The following CCDC7 variants were observed in gnomAD, a reference collection of about 807,000 sequenced individuals.
CCDC7 encodes the protein coiled-coil domain containing 7.
CCDC7 carries 183 observed loss-of-function variants against 196.9 expected under a neutral mutation model. That is an observed-to-expected ratio of 0.93 (90% CI 0.82 to 1.05). CCDC7 has a LOEUF of 1.05. CCDC7 is among the 50% of genes least tolerant of loss of function. The pLI is 0.00. For synonymous variants in CCDC7, 525 were observed against 484.6 expected (o/e 1.08, Z -1.10); for missense variants, 1,540 against 1,482.2 (o/e 1.04, Z -0.64).
chr10:32,561,866 G>A (rs756786825), intron 13 of CCDC7, among the ~76,000 whole-genome samples: 1 of 152,072 alleles, frequency 6.6e-6, no homozygotes, highest in African/African-American at 2.4e-5. Flanking sequence ...CCAGGAGCTG[G>A]TTTTTTGAAA....
At chr10:32,630,842 C>A (rs1284356871) in intron 18 of CCDC7, among the ~76,000 whole-genome samples, 1 of 152,090 alleles carries the variant, frequency 6.6e-6, no homozygotes, top group African/African-American at 2.4e-5. Context: ...GCCCCAAATT[C>A]TTTGAGTCTT....
intron 25 of CCDC7, among the ~76,000 whole-genome samples, chr10:32,715,694 GAGA>G (rs1051869944): frequency 1.3e-4 from 20 of 152,212 alleles, no homozygotes; most frequent in African/African-American, 4.8e-4. Flanking sequence ...AACCAGTTTA[GAGA>G]AGAACATAAA....
At chr10:32,465,569 C>T (rs2036604088) in intron 5 of CCDC7, among the ~76,000 whole-genome samples, 1 of 151,436 alleles carries the variant, frequency 6.6e-6, no homozygotes, top group African/African-American at 2.4e-5. Context: ...TGGCTGTCTT[C>T]TTTTTAGAGT....
chr10:32,532,851 G>A (rs2049889750), intron 11 of CCDC7, among the ~76,000 whole-genome samples: 1 of 152,006 alleles, frequency 6.6e-6, no homozygotes, highest in Admixed American at 6.6e-5. Flanking sequence ...CTTTCAGGCT[G>A]TGTGTGTCTT....
chr10:32,811,763 T>A (rs1450204195), intron 30 of CCDC7, among the ~76,000 whole-genome samples: 1 of 151,734 alleles, frequency 6.6e-6, no homozygotes, highest in Non-Finnish European at 1.5e-5. Flanking sequence ...GACAAGGACA[T>A]AAAAAAATAA....
Position 32,829,263 on chromosome 10 carries a change from G to A in CCDC7, c.3268+4659G>A, listed in dbSNP as rs114462984. 4.2e-3 allele frequency among the ~76,000 whole-genome samples: 640 copies of A among 152,176 alleles called. 4 individuals are homozygous for A. The highest frequency in any genetic ancestry group is 0.015 in the African/African-American group (620 of 41,522). On this transcript the variant is annotated intron_variant, in intron 32 of 41. Transcript: ENST00000639629. ...GAATGAAGGTTTGGGTCACTCCACCGGGAAAAAATTTCATAGCCTGCTGAG... is the reference window on the plus strand; with the variant it reads ...GAATGAAGGTTTGGGTCACTCCACCAGGAAAAAATTTCATAGCCTGCTGAG...
At chr10:32,789,001 AG>A (rs1157665173) in intron 29 of CCDC7, among the ~76,000 whole-genome samples, 2 of 151,964 alleles carry the variant, frequency 1.3e-5, no homozygotes, top group African/African-American at 4.8e-5. Flanking sequence ...TCCAGCCACT[AG>A]GCCAGCCTGC....
At chr10:32,458,045 G>A (rs1564623435) in intron 3 of CCDC7, among the ~76,000 whole-genome samples, 1 of 151,982 alleles carries the variant, frequency 6.6e-6, no homozygotes, top group Non-Finnish European at 1.5e-5. Flanking sequence ...AATACCACTT[G>A]TCTGTTTTTG....
intron 18 of CCDC7, among the ~76,000 whole-genome samples, chr10:32,597,067 G>A (rs991033665): frequency 1.3e-5 from 2 of 152,108 alleles, no homozygotes; most frequent in African/African-American, 4.8e-5. Context: ...TTTGAATGTT[G>A]GCCTGCCTCA....
At chr10:32,701,846 G>A (rs1167269899) in intron 24 of CCDC7, among the ~76,000 whole-genome samples, 1 of 152,134 alleles carries the variant, frequency 6.6e-6, no homozygotes, top group Non-Finnish European at 1.5e-5. Flanking sequence ...TTGTATTTCT[G>A]TGGGATCGGT....
chr10:32,612,310 A>G (rs868769073), intron 18 of CCDC7, among the ~76,000 whole-genome samples: 1 of 152,124 alleles, frequency 6.6e-6, no homozygotes, highest in Middle Eastern at 3.4e-3. Flanking sequence ...CACCTTAAGG[A>G]ATTTTTGGGC....
intron 8 of CCDC7, among the ~76,000 whole-genome samples, chr10:32,486,491 A>G (rs1039703659): frequency 3.4e-5 from 5 of 146,532 alleles, no homozygotes; most frequent in African/African-American, 1.3e-4. Context: ...CATTTAGCCC[A>G]TTTACATTTA....
At chr10:32,463,640 C>T (rs2036190466) in intron 5 of CCDC7, among the ~76,000 whole-genome samples, 1 of 152,128 alleles carries the variant, frequency 6.6e-6, no homozygotes, top group South Asian at 2.1e-4. Flanking sequence ...TTTTAGTTCT[C>T]ATTTGGTCAC....
intron 8 of CCDC7, among the ~76,000 whole-genome samples, chr10:32,485,833 C>A: frequency 6.6e-6 from 1 of 152,152 alleles, no homozygotes; most frequent in Non-Finnish European, 1.5e-5. Flanking sequence ...ATCCTGAGTT[C>A]TAGTTTGATT....
rs559477970 is a variant in CCDC7, at chr10:32,629,047, C to A, written c.1802-5207C>A. On this transcript the variant is annotated intron_variant, in intron 18 of 41. Coordinates refer to ENST00000639629, the Ensembl canonical transcript of CCDC7. Reference sequence around the variant, plus strand: ...AAAGTATAGTTCAAGTCCAGTGTTTCGTTATTAATGTTCCATCTGTATGAT... The same window carrying A: ...AAAGTATAGTTCAAGTCCAGTGTTTAGTTATTAATGTTCCATCTGTATGAT... Among the ~76,000 whole-genome samples the A allele has an allele frequency of 3.3e-5, 5 of 152,140 alleles. No individual in the cohort carries two copies. In the South Asian group the frequency reaches 1.0e-3, roughly 32 times the overall value.
At chr10:32,601,633 TA>T (rs2061017328) in intron 18 of CCDC7, among the ~76,000 whole-genome samples, 2 of 152,130 alleles carry the variant, frequency 1.3e-5, no homozygotes, top group Non-Finnish European at 2.9e-5. Context: ...CAGCACTCTG[TA>T]AAAATGTACC....
intron 11 of CCDC7, among the ~76,000 whole-genome samples, chr10:32,534,782 T>G (rs957014478): frequency 3.3e-5 from 5 of 152,272 alleles, no homozygotes; most frequent in Non-Finnish European, 7.4e-5. Flanking sequence ...CCACTCTGAC[T>G]TGACATCTCC....
intron 18 of CCDC7, among the ~76,000 whole-genome samples, chr10:32,587,304 C>T (rs762850451): frequency 1.8e-4 from 27 of 152,248 alleles, no homozygotes; most frequent in Middle Eastern, 6.8e-3. Context: ...GTTCTGAAGG[C>T]TGGGGAGTCC....
intron 18 of CCDC7, among the ~76,000 whole-genome samples, chr10:32,616,393 T>A (rs1207601839): frequency 1.3e-5 from 2 of 151,892 alleles, no homozygotes; most frequent in Non-Finnish European, 2.9e-5. Context: ...CAAATATTCC[T>A]TGATATTTTA....
Sources: allele counts gnomAD v4.1 joint callset (sites outside exome capture counted in the v4.1 genomes callset), GRCh38; gene constraint gnomAD v4.1.1; transcripts MANE v1.5; gene names NCBI Gene and HGNC (gene_info 2026-07-23, HGNC 2026-07-21).